RASSF5: variants seen among roughly 807,000 people sequenced by gnomAD.
The protein encoded by RASSF5 is ras association domain-containing protein 5.
A neutral mutation model predicts 40.5 loss-of-function variants in RASSF5; 25 were observed. The observed-to-expected ratio is 0.62, with a 90% confidence interval of 0.45 to 0.86. The LOEUF (loss-of-function observed/expected upper bound fraction) is 0.86. RASSF5 is among the 40% of genes least tolerant of loss of function. RASSF5 has a pLI of 0.00. For missense variants in RASSF5, 521 were observed against 572.8 expected, an observed-to-expected ratio of 0.91 and a Z score of 0.92; for synonymous variants, 246 against 252.4, an observed-to-expected ratio of 0.97 and a Z score of 0.24.
chr1:206,547,919 C>G lies in RASSF5; in HGVS notation c.579+9626C>G, dbSNP rs1164763261. On this transcript the variant is annotated intron_variant, in intron 2 of 5. Transcript: ENST00000579436. ...TATCATTTTCTTTCTGCCTGAAGGA[C>G]TTTCTTTAACATTTCTTGTATTTGT... Among the ~76,000 whole-genome samples the G allele has an allele frequency of 2.0e-5, 3 of 152,192 alleles. No individual in the cohort carries two copies. The East Asian group carries it at 5.8e-4, about 29-fold the overall frequency.
In RASSF5 at chr1:206,560,690, C is replaced by T. The variant is rs78357451; in HGVS notation, c.579+22397C>T. ...AGCCTGTGGGCTTGGGCAGTGCAGA[C>T]GTAGATGGTCTCAGTAAGACCATCA... On this transcript the variant is annotated intron_variant, in intron 2 of 5. Coordinates refer to ENST00000579436, the MANE Select transcript of RASSF5 (RefSeq NM_182663.4). This position sits in a 1 kb window ranked among gnomAD's most constrained non-coding sequence, Gnocchi z 5.1. Among the ~76,000 whole-genome samples the T allele has an allele frequency of 2.0e-5, 3 of 152,246 alleles. No homozygotes were observed. Among genetic ancestry groups the T allele is most frequent in the Admixed American group, 1.3e-4 (2 of 15,296 alleles).
At chr1:206,586,702 A>T in intron 5 of RASSF5, 124 bp from the exon 6 acceptor site, 1 of 772,272 alleles carries the variant, frequency 1.3e-6, no homozygotes, top group East Asian at 2.5e-5. Context: ...GTTCAGTAGC[A>T]AACTGTGTGT....
At chr1:206,549,460 C>T (rs1041737686) in intron 2 of RASSF5, among the ~76,000 whole-genome samples, 3 of 151,916 alleles carry the variant, frequency 2.0e-5, no homozygotes, top group Admixed American at 6.6e-5. Context: ...TGTCTTTGAC[C>T]AATGCTAATA....
chr1:206,565,768 C>T (rs956519891), intron 2 of RASSF5, among the ~76,000 whole-genome samples: 25 of 152,178 alleles, frequency 1.6e-4, no homozygotes, highest in African/African-American at 6.0e-4. Flanking sequence ...AGGGTTTGAA[C>T]AGGAATTGCC....
intron 2 of RASSF5, among the ~76,000 whole-genome samples, chr1:206,553,454 G>T (rs1667902028): frequency 6.6e-6 from 1 of 152,114 alleles, no homozygotes; most frequent in Non-Finnish European, 1.5e-5. Context: ...TCAGTTAATG[G>T]CACTCATCAA....
rs1669267437 is a variant in RASSF5 at position 206,589,323 on chromosome 1, G to A, written c.*2345G>A. The A allele has an allele frequency of 6.5e-6, 1 of 152,800 alleles. No homozygotes were observed. 9.5% of individuals were successfully genotyped at this position (152,800 alleles called of 1,614,324 possible). A position where few individuals can be genotyped will look rare whatever the true frequency, so the allele number is the denominator to read the frequency against. On this transcript the variant is annotated 3_prime_UTR_variant, in exon 6 of 6. Transcript: ENST00000579436. ...TGAACTTCACCATCTTACGGACACT[G>A]GGAGCGGGGGAGAGAGGGTGAGAAT...
At chr1:206,538,137 T>G in intron 1 of RASSF5, 35 bp from the exon 2 acceptor site, 3 of 1,613,632 alleles carry the variant, frequency 1.9e-6, no homozygotes, top group Non-Finnish European at 2.5e-6. Flanking sequence ...GAATCCTGCC[T>G]GTCCTCTAAT....
Position 206,585,381 on chromosome 1 carries a change from G to C in RASSF5, c.1104+86G>C, listed in dbSNP as rs886935216. On this transcript the variant is annotated intron_variant, in intron 5 of 5. Transcript: ENST00000579436. Reference sequence around the variant, plus strand: ...GTGTTGTCCTAACTACCTCACATAGGTGGGAGCCACGCAGCACGGGCAGGA... The same window carrying C: ...GTGTTGTCCTAACTACCTCACATAGCTGGGAGCCACGCAGCACGGGCAGGA... 16 of 946,906 alleles carry C rather than the reference G, an allele frequency of 1.7e-5. No individual in the cohort carries two copies. The African/African-American group carries it at 2.6e-4, about 15-fold the overall frequency. The allele number at this position is 946,906 out of a possible 1,614,324, so 58.7% of individuals were successfully genotyped here. A position where few individuals can be genotyped will look rare whatever the true frequency, so the allele number is the denominator to read the frequency against.
chr1:206,585,480 A>C, intron 5 of RASSF5, 185 bp downstream of exon 5: 1 of 540,564 alleles, frequency 1.8e-6, no homozygotes, highest in East Asian at 3.0e-5. Flanking sequence ...GACTCTGAAC[A>C]CCCTGGGGTA....
In RASSF5 at chr1:206,540,917, A is replaced by G. The variant is rs570170416; in HGVS notation, c.579+2624A>G. 3.3e-5 allele frequency among the ~76,000 whole-genome samples: 5 copies of G among 152,192 alleles called. No homozygotes were observed. In the East Asian group the frequency reaches 9.7e-4, roughly 29 times the overall value. ...GATATATATTTTTTTTTCCTGAGAC[A>G]GAGTCTCACTCTGTTGCCTAAGCTG... On this transcript the variant is annotated intron_variant, in intron 2 of 5. Transcript: ENST00000579436.
In RASSF5 at chr1:206,583,256, G is replaced by T; in HGVS notation, c.580-13G>T. 1 of 1,574,776 alleles carries T rather than the reference G, an allele frequency of 6.4e-7. No homozygotes were observed. Among genetic ancestry groups the T allele is most frequent in the Non-Finnish European group, 8.7e-7 (1 of 1,144,488 alleles). ...CTACTACACATCCACCTCCACTTCT[G>T]TGTCTCTTCCAGAATGTCTGTAAAC... On this transcript the variant is annotated splice_polypyrimidine_tract_variant and intron_variant, in intron 2 of 5. Transcript: ENST00000579436.
At chr1:206,537,595 A>C (rs1442739271) in intron 1 of RASSF5, among the ~76,000 whole-genome samples, 1 of 152,224 alleles carries the variant, frequency 6.6e-6, no homozygotes, top group African/African-American at 2.4e-5. Context: ...AATATGTATG[A>C]TACCAGTCAA....
chr1:206,520,740 A>G (rs1231964507), intron 1 of RASSF5, among the ~76,000 whole-genome samples: 2 of 152,132 alleles, frequency 1.3e-5, no homozygotes, highest in Admixed American at 1.3e-4. Flanking sequence ...TTCCAAGTAT[A>G]GGATAGGGCA....
At chr1:206,515,405 C>T (rs1024823698) in intron 1 of RASSF5, among the ~76,000 whole-genome samples, 3 of 152,148 alleles carry the variant, frequency 2.0e-5, no homozygotes, top group Admixed American at 6.5e-5. Context: ...CACCTCACCC[C>T]GTAGGTGTTC....
chr1:206,545,835 G>A (rs1471374731), intron 2 of RASSF5, among the ~76,000 whole-genome samples: 2 of 151,388 alleles, frequency 1.3e-5, no homozygotes, highest in African/African-American at 2.4e-5. Flanking sequence ...TATATTTAAA[G>A]ATCATTTCTT....
chr1:206,543,635 A>G (rs1250759571), intron 2 of RASSF5: 1 of 152,056 alleles, frequency 6.6e-6, no homozygotes, highest in African/African-American at 2.4e-5. Flanking sequence ...TAACTACTGA[A>G]AGAGATTTCA....
chr1:206,540,146 G>A (rs1553399179), intron 2 of RASSF5, among the ~76,000 whole-genome samples: 1 of 152,226 alleles, frequency 6.6e-6, no homozygotes, highest in Non-Finnish European at 1.5e-5. Context: ...GGCCTGTTTT[G>A]CATAGAACAG....
chr1:206,578,618 A>G (rs1668747877), intron 2 of RASSF5, among the ~76,000 whole-genome samples: 1 of 152,162 alleles, frequency 6.6e-6, no homozygotes. Context: ...ATTTTTTAGC[A>G]AAAATTAGGT....
At chr1:206,575,144 A>G (rs947935568) in intron 2 of RASSF5, among the ~76,000 whole-genome samples, 5 of 152,060 alleles carry the variant, frequency 3.3e-5, no homozygotes, top group African/African-American at 9.7e-5. Context: ...TTTCAAATCC[A>G]GCCCAGATAG....
Sources: gnomAD v4.1 joint callset for allele counts (sites outside exome capture counted in the v4.1 genomes callset) on GRCh38, gnomAD v4.1.1 for gene constraint, Gnocchi (gnomAD v3.1) non-coding constraint, MANE v1.5 for transcripts, NCBI Gene and HGNC (gene_info 2026-07-23, HGNC 2026-07-21) for gene names.